The following CPQ variants were observed in gnomAD, a reference collection of about 807,000 sequenced individuals.
CPQ encodes Ser-Met dipeptidase.
In CPQ, 37 loss-of-function variants were observed where a neutral mutation model predicts 45.7. That is an observed-to-expected ratio of 0.81 (90% CI 0.62 to 1.07). The LOEUF (loss-of-function observed/expected upper bound fraction) is 1.07. Among genes scored for constraint, CPQ ranks in the 50% least tolerant of loss-of-function variants. CPQ has a pLI of 0.00. For missense variants in CPQ, 537 were observed against 572.9 expected (o/e 0.94, Z 0.64); for synonymous variants, 186 against 205.8 (o/e 0.90, Z 0.82).
intron 2 of CPQ, among the ~76,000 whole-genome samples, chr8:96,793,123 G>C (rs1361001631): frequency 1.3e-5 from 2 of 151,944 alleles, no homozygotes; most frequent in Non-Finnish European, 2.9e-5. Flanking sequence ...TGATGATACT[G>C]TTGAGCCATC....
At chr8:96,872,696 A>T (rs1482868681) in intron 3 of CPQ, among the ~76,000 whole-genome samples, 2 of 151,916 alleles carry the variant, frequency 1.3e-5, no homozygotes, top group Non-Finnish European at 2.9e-5. Flanking sequence ...AACCAATAGG[A>T]TGTGCAAGTA....
intron 7 of CPQ, among the ~76,000 whole-genome samples, chr8:97,072,468 T>C (rs992641096): frequency 1.3e-5 from 2 of 151,834 alleles, no homozygotes; most frequent in African/African-American, 4.8e-5. Context: ...CAATAACGTA[T>C]GGAAACAAAC....
chr8:96,650,488 C>A (rs1815565278), intron 1 of CPQ, among the ~76,000 whole-genome samples: 1 of 152,178 alleles, frequency 6.6e-6, no homozygotes, highest in South Asian at 2.1e-4. Context: ...CTTTTATAAA[C>A]TTAAAATCTG....
At chr8:96,893,739 A>G (rs1214250068) in intron 4 of CPQ, among the ~76,000 whole-genome samples, 1 of 152,250 alleles carries the variant, frequency 6.6e-6, no homozygotes, top group Non-Finnish European at 1.5e-5. Flanking sequence ...TATATAGCAT[A>G]AAATAAATGC....
At chr8:97,025,737 A>G (rs914808827) in intron 5 of CPQ, among the ~76,000 whole-genome samples, 5 of 152,134 alleles carry the variant, frequency 3.3e-5, no homozygotes, top group African/African-American at 9.7e-5. Context: ...CTGCTTTAGT[A>G]TTGTTGTTGT....
At chr8:96,915,668 G>A (rs529130973) in intron 4 of CPQ, among the ~76,000 whole-genome samples, 41 of 152,188 alleles carry the variant, frequency 2.7e-4, no homozygotes, top group African/African-American at 9.4e-4. Flanking sequence ...CTCTCTTGAG[G>A]GTCACGTATC....
At chr8:97,080,933 T>TTTCCTTCCTTCCTTCCTTCTTTCC (rs1810938403) in intron 7 of CPQ, among the ~76,000 whole-genome samples, 2 of 151,696 alleles carry the variant, frequency 1.3e-5, no homozygotes, top group East Asian at 3.9e-4. Context: ...TCCTTCCTTC[T>TTTCCTTCCTTCCTTCCTTCTTTCC]TTCCTTCCTT....
chr8:97,041,236 C>G (rs552715818), intron 6 of CPQ, among the ~76,000 whole-genome samples: 2 of 152,106 alleles, frequency 1.3e-5, no homozygotes, highest in Non-Finnish European at 2.9e-5. Flanking sequence ...ATTTTATTCT[C>G]TTTAAAGCAA....
intron 7 of CPQ, among the ~76,000 whole-genome samples, chr8:97,128,196 A>G (rs1811878362): frequency 6.6e-6 from 1 of 152,236 alleles, no homozygotes; most frequent in Admixed American, 6.5e-5. Context: ...GAATTCCTTT[A>G]GTCACTCAGA....
At chr8:96,998,706 T>C (rs1249021394) in intron 5 of CPQ, among the ~76,000 whole-genome samples, 2 of 152,018 alleles carry the variant, frequency 1.3e-5, no homozygotes, top group Admixed American at 6.6e-5. Context: ...TGAAATATCA[T>C]TGAAGCTTTC....
chr8:97,099,242 T>A (rs956186605), intron 7 of CPQ, among the ~76,000 whole-genome samples: 3 of 146,916 alleles, frequency 2.0e-5, no homozygotes, highest in African/African-American at 7.5e-5. Context: ...GGGATCCTCC[T>A]GCCTCTGCCT....
intron 1 of CPQ, among the ~76,000 whole-genome samples, chr8:96,685,129 CA>C (rs1388852464): frequency 2.7e-5 from 2 of 73,928 alleles, no homozygotes; most frequent in Admixed American, 2.6e-4. Context: ...AACAAAAAAA[CA>C]AAAAACAAAA....
At chr8:96,686,880 A>G (rs1026458015) in intron 1 of CPQ, among the ~76,000 whole-genome samples, 5 of 152,176 alleles carry the variant, frequency 3.3e-5, no homozygotes, top group Non-Finnish European at 7.3e-5. Context: ...GTGATATGTT[A>G]GATTTTCAAA....
At chr8:96,792,399 G>A (rs537671735) in intron 2 of CPQ, among the ~76,000 whole-genome samples, 1 of 152,280 alleles carries the variant, frequency 6.6e-6, no homozygotes, top group South Asian at 2.1e-4. Flanking sequence ...ATAACTCTGG[G>A]TCTTCATGGT....
At chr8:97,055,955 G>A (rs1810449264) in intron 6 of CPQ, among the ~76,000 whole-genome samples, 1 of 152,084 alleles carries the variant, frequency 6.6e-6, no homozygotes, top group Non-Finnish European at 1.5e-5. Context: ...AAAAAAATTA[G>A]CTGGGCGTGG....
chr8:96,943,260 A>G (rs1295320618), intron 4 of CPQ, among the ~76,000 whole-genome samples: 2 of 152,206 alleles, frequency 1.3e-5, no homozygotes, highest in South Asian at 2.1e-4. Flanking sequence ...GCTAAGATCA[A>G]TGGAACAGAA....
chr8:96,885,239 C>T (rs1303000998), intron 4 of CPQ, among the ~76,000 whole-genome samples: 1 of 152,146 alleles, frequency 6.6e-6, no homozygotes, highest in Non-Finnish European at 1.5e-5. Flanking sequence ...GGGGACCAAA[C>T]TCCTTTTTAT....
chr8:96,979,008 G>C (rs1813837840), intron 5 of CPQ, among the ~76,000 whole-genome samples: 1 of 151,564 alleles, frequency 6.6e-6, no homozygotes, highest in Admixed American at 6.6e-5. Context: ...GCTTCACATG[G>C]ATAGAGGCAT....
intron 3 of CPQ, among the ~76,000 whole-genome samples, chr8:96,841,034 T>A (rs1338049043): frequency 5.3e-5 from 8 of 152,198 alleles, no homozygotes; most frequent in Admixed American, 2.6e-4. Flanking sequence ...CCTCTTTTTT[T>A]ATATACTTTA....
Sources: allele counts gnomAD v4.1 joint callset (sites outside exome capture counted in the v4.1 genomes callset), GRCh38; gene constraint gnomAD v4.1.1; transcripts MANE v1.5; gene names NCBI Gene and HGNC (gene_info 2026-07-23, HGNC 2026-07-21).